The following IPO11 variants were observed in gnomAD, a reference collection of about 807,000 sequenced individuals.
The protein encoded by IPO11 is importin-11.
Under a neutral mutation model 143.2 loss-of-function variants are expected in IPO11, and 66 were observed. The ratio of observed to expected loss-of-function variants is 0.46; its 90% CI spans 0.38 to 0.57. IPO11 has a LOEUF of 0.57. IPO11 is among the 20% of genes least tolerant of loss of function. The probability of loss-of-function intolerance (pLI) is 0.00; values close to 1 mark genes in which losing one functional copy is unlikely to be tolerated. For missense variants in IPO11, 1,026 were observed against 1,141.0 expected, an observed-to-expected ratio of 0.90 and a Z score of 1.45; for synonymous variants, 385 against 377.8, an observed-to-expected ratio of 1.02 and a Z score of -0.22.
chr5:62,581,431 A>AAAC, intron 27 of IPO11: 1 of 798,222 alleles, frequency 1.3e-6, no homozygotes, highest in Non-Finnish European at 1.9e-6. Flanking sequence ...GCATTATTAA[A>AAAC]ATATGTTTTT....
intron 3 of IPO11, chr5:62,443,414 T>C (rs866227801): frequency 3.0e-4 from 43 of 142,884 alleles, no homozygotes; most frequent in South Asian, 1.8e-3. Context: ...TGTGTGTGTG[T>C]GTGTGTGCGT....
intron 27 of IPO11, among the ~76,000 whole-genome samples, chr5:62,565,251 C>G (rs192983642): frequency 6.6e-6 from 1 of 152,204 alleles, no homozygotes; most frequent in Non-Finnish European, 1.5e-5. Context: ...TTTTGGAGGC[C>G]GAGGCAGGCA....
intron 24 of IPO11, among the ~76,000 whole-genome samples, chr5:62,548,237 T>G (rs559040033): frequency 1.3e-5 from 2 of 152,014 alleles, no homozygotes; most frequent in East Asian, 3.9e-4. Flanking sequence ...AAGTAATACT[T>G]ACCTTTTTTT....
chr5:62,592,886 T>C (rs1580363141), intron 28 of IPO11, among the ~76,000 whole-genome samples: 1 of 152,162 alleles, frequency 6.6e-6, no homozygotes, highest in African/African-American at 2.4e-5. Flanking sequence ...CACATGGGGA[T>C]TATGGGAATT....
intron 1 of IPO11, among the ~76,000 whole-genome samples, chr5:62,434,790 C>T (rs190102252): frequency 3.3e-5 from 5 of 151,878 alleles, no homozygotes; most frequent in Admixed American, 2.0e-4. Flanking sequence ...TTCAGGAGGC[C>T]GAGGCAGGCG....
chr5:62,431,168 T>C (rs1039856786), intron 1 of IPO11, among the ~76,000 whole-genome samples: 3 of 150,754 alleles, frequency 2.0e-5, no homozygotes, highest in Non-Finnish European at 3.0e-5. Context: ...TTAGTAGAGA[T>C]GGGGTTTGCT....
chr5:62,418,911 C>T (rs951653578), intron 1 of IPO11: 11 of 1,370,154 alleles, frequency 8.0e-6, no homozygotes, highest in East Asian at 2.5e-5. Context: ...ACTGCTGGGT[C>T]ATAGAAGATA....
intron 28 of IPO11, among the ~76,000 whole-genome samples, chr5:62,599,609 G>A (rs1365683580): frequency 6.6e-6 from 1 of 152,164 alleles, no homozygotes; most frequent in Non-Finnish European, 1.5e-5. Context: ...GTTCTGTTTA[G>A]CTGGTTGAAG....
chr5:62,479,394 A>G (rs1011918802), intron 9 of IPO11, among the ~76,000 whole-genome samples: 51 of 152,328 alleles, frequency 3.3e-4, no homozygotes, highest in African/African-American at 1.2e-3. Flanking sequence ...GCCACAATAA[A>G]CATACGTGTG....
intron 1 of IPO11, chr5:62,422,694 A>T (rs1294944301): frequency 6.6e-6 from 1 of 152,176 alleles, no homozygotes; most frequent in Non-Finnish European, 1.5e-5. Flanking sequence ...GTGCCATTTT[A>T]CTAAAAACTC....
chr5:62,592,565 G>T (rs996489422), intron 28 of IPO11, among the ~76,000 whole-genome samples: 12 of 152,060 alleles, frequency 7.9e-5, no homozygotes, highest in Non-Finnish European at 1.8e-4. Flanking sequence ...AAGGGTTTAT[G>T]GCTGTATTAG....
intron 1 of IPO11, among the ~76,000 whole-genome samples, chr5:62,428,975 G>A (rs981214725): frequency 4.6e-5 from 7 of 152,046 alleles, no homozygotes; most frequent in Non-Finnish European, 1.0e-4. Flanking sequence ...ATCTCTTGTG[G>A]ATTTTGACAT....
At chr5:62,532,358 T>A (rs776808586) in intron 22 of IPO11, among the ~76,000 whole-genome samples, 26 of 152,004 alleles carry the variant, frequency 1.7e-4, no homozygotes, top group Non-Finnish European at 2.9e-4. Flanking sequence ...TTCGTTTGTT[T>A]GTTTGTTTGT....
intron 26 of IPO11, among the ~76,000 whole-genome samples, chr5:62,553,648 ATTT>A (rs575122611): frequency 7.3e-6 from 1 of 137,630 alleles, no homozygotes; most frequent in Admixed American, 7.2e-5. Context: ...CCTTTCCAGC[ATTT>A]TTTTTTTTTT....
intron 23 of IPO11, among the ~76,000 whole-genome samples, 187 bp from the exon 24 acceptor site, chr5:62,537,022 A>G (rs373116257): frequency 2.0e-5 from 3 of 152,228 alleles, no homozygotes; most frequent in East Asian, 1.9e-4. Context: ...CAGTGTATCA[A>G]TAATCTATAT....
At chr5:62,550,531 G>C in intron 25 of IPO11, 69 bp downstream of exon 25, 3 of 989,598 alleles carry the variant, frequency 3.0e-6, no homozygotes, top group Non-Finnish European at 4.5e-6. Flanking sequence ...TACTCTGTTA[G>C]ATACAGAAGG....
Position 62,530,789 on chromosome 5 carries a change from T to A in IPO11, c.2089+4T>A, listed in dbSNP as rs747942936. Reference sequence around the variant, plus strand: ...CAGAATATGTCACCACTTCTTGGTATGTGTTAAAGCATAAACTTACTAATG... The same window carrying A: ...CAGAATATGTCACCACTTCTTGGTAAGTGTTAAAGCATAAACTTACTAATG... On this transcript the variant is annotated splice_donor_region_variant and intron_variant, in intron 22 of 29. Coordinates refer to ENST00000325324, the MANE Select transcript of IPO11 (RefSeq NM_016338.5). 6.9e-6 allele frequency: 11 copies of A among 1,600,808 alleles called. No homozygotes were observed. Among genetic ancestry groups the A allele is most frequent in the Non-Finnish European group, 7.7e-6 (9 of 1,168,382 alleles).
At chr5:62,459,593 C>G (rs1052150375) in intron 5 of IPO11, among the ~76,000 whole-genome samples, 4 of 151,938 alleles carry the variant, frequency 2.6e-5, no homozygotes, top group Non-Finnish European at 5.9e-5. Flanking sequence ...CTCTGTTACC[C>G]AGGCTGGAGT....
intron 28 of IPO11, among the ~76,000 whole-genome samples, chr5:62,600,088 G>A (rs1745449599): frequency 6.6e-6 from 1 of 152,140 alleles, no homozygotes; most frequent in East Asian, 1.9e-4. Flanking sequence ...GCCCAGTCTG[G>A]AGTGCAGTGG....
Sources: allele counts gnomAD v4.1 joint callset (sites outside exome capture counted in the v4.1 genomes callset), GRCh38; gene constraint gnomAD v4.1.1; transcripts MANE v1.5; gene names NCBI Gene and HGNC (gene_info 2026-07-23, HGNC 2026-07-21).